UXS1: variants seen among roughly 807,000 people sequenced by gnomAD.
UXS1 encodes the protein UDP-glucuronate decarboxylase 1, also known as UDP-glucuronic acid decarboxylase 1.
UXS1 carries 33 observed loss-of-function variants against 62.6 expected under a neutral mutation model. The observed-to-expected ratio is 0.53, with a 90% CI of 0.40 to 0.70. The LOEUF (loss-of-function observed/expected upper bound fraction) is 0.70. UXS1 is among the 30% of genes least tolerant of loss of function. The probability of loss-of-function intolerance (pLI) is 0.00; values close to 1 mark genes in which losing one functional copy is unlikely to be tolerated. For missense variants in UXS1, 434 were observed against 556.3 expected, an observed-to-expected ratio of 0.78 and a Z score of 2.21; for synonymous variants, 213 against 206.8, an observed-to-expected ratio of 1.03 and a Z score of -0.26.
chr2:106,114,343 G>C (rs1184431279), intron 9 of UXS1, among the ~76,000 whole-genome samples: 2 of 152,162 alleles, frequency 1.3e-5, no homozygotes, highest in Non-Finnish European at 2.9e-5. Context: ...AAAGATATGA[G>C]CTAAGTCCAA....
intron 2 of UXS1, 77 bp from the exon 3 acceptor site, chr2:106,164,876 C>A (rs192712082): frequency 3.8e-6 from 4 of 1,052,926 alleles, no homozygotes; most frequent in Admixed American, 5.0e-5. Flanking sequence ...CATAACCCAA[C>A]GGATGCAGAC....
chr2:106,125,868 C>G (rs186724389), intron 7 of UXS1, among the ~76,000 whole-genome samples, 189 bp from the exon 8 acceptor site: 8 of 152,340 alleles, frequency 5.3e-5, no homozygotes, highest in Non-Finnish European at 5.9e-5. Flanking sequence ...TAAATGGATT[C>G]TCAGAAGGCC....
At chr2:106,146,005 G>A (rs905281965) in intron 5 of UXS1, among the ~76,000 whole-genome samples, 7 of 152,220 alleles carry the variant, frequency 4.6e-5, no homozygotes, top group Admixed American at 4.6e-4. Flanking sequence ...CACAGAGCAC[G>A]ATGAGGCAGC....
intron 9 of UXS1, among the ~76,000 whole-genome samples, chr2:106,115,803 T>C (rs1046913082): frequency 6.6e-5 from 10 of 152,208 alleles, no homozygotes; most frequent in Non-Finnish European, 1.5e-4. Context: ...CTGCCATCAT[T>C]ATTATCTACC....
intron 5 of UXS1, among the ~76,000 whole-genome samples, chr2:106,147,035 G>A (rs746420121): frequency 1.3e-4 from 20 of 151,970 alleles, no homozygotes; most frequent in Non-Finnish European, 2.5e-4. Flanking sequence ...CAGCTACTAT[G>A]GTGGCTGAAG....
intron 9 of UXS1, among the ~76,000 whole-genome samples, chr2:106,114,195 A>G (rs1678876685): frequency 6.6e-6 from 1 of 152,170 alleles, no homozygotes; most frequent in Admixed American, 6.5e-5. Flanking sequence ...CGGGTTTTTA[A>G]GTGTGCTGTG....
At chr2:106,118,269 G>A (rs1275600750) in intron 9 of UXS1, among the ~76,000 whole-genome samples, 4 of 150,672 alleles carry the variant, frequency 2.7e-5, no homozygotes, top group Admixed American at 2.6e-4. Flanking sequence ...TACCAACTCC[G>A]ACTTTTTCAA....
intron 5 of UXS1, among the ~76,000 whole-genome samples, chr2:106,148,943 T>C (rs1681801679): frequency 6.6e-6 from 1 of 152,224 alleles, no homozygotes; most frequent in African/African-American, 2.4e-5. Flanking sequence ...GCTTTCTTGC[T>C]CGCTCTTGTG....
intron 1 of UXS1, among the ~76,000 whole-genome samples, chr2:106,172,194 C>T (rs1292701794): frequency 1.3e-5 from 2 of 152,202 alleles, no homozygotes; most frequent in East Asian, 1.9e-4. Context: ...GAGAACCCTT[C>T]CCAAAGGCCT....
At chr2:106,108,155 AT>A (rs1281419000) in intron 10 of UXS1, among the ~76,000 whole-genome samples, 1 of 152,244 alleles carries the variant, frequency 6.6e-6, no homozygotes, top group Non-Finnish European at 1.5e-5. Flanking sequence ...TCTATAGCAT[AT>A]CACATCCATC....
intron 6 of UXS1, among the ~76,000 whole-genome samples, chr2:106,142,525 A>G (rs949489208): frequency 2.0e-5 from 3 of 152,190 alleles, no homozygotes; most frequent in Non-Finnish European, 4.4e-5. Flanking sequence ...CTGAGAGGAC[A>G]CTTTATAGCA....
intron 9 of UXS1, among the ~76,000 whole-genome samples, chr2:106,120,517 C>T (rs1679440050): frequency 6.6e-6 from 1 of 152,216 alleles, no homozygotes; most frequent in South Asian, 2.1e-4. Context: ...GGTGCCATTT[C>T]TCACCTGGGC....
chr2:106,108,256 CTG>C (rs1183090682), intron 10 of UXS1, among the ~76,000 whole-genome samples: 3 of 152,204 alleles, frequency 2.0e-5, no homozygotes, highest in East Asian at 1.9e-4. Flanking sequence ...GAAATATTCA[CTG>C]TGTGCGCTAA....
intron 1 of UXS1, among the ~76,000 whole-genome samples, chr2:106,193,345 T>C (rs916353803): frequency 1.8e-4 from 27 of 152,160 alleles, no homozygotes; most frequent in Non-Finnish European, 3.5e-4. Flanking sequence ...ATAGCATCAA[T>C]TAAAACATTC....
intron 7 of UXS1, among the ~76,000 whole-genome samples, chr2:106,127,104 C>A (rs577482986): frequency 1.8e-4 from 28 of 152,182 alleles, no homozygotes; most frequent in African/African-American, 6.5e-4. Flanking sequence ...TGTAGAATTC[C>A]CGGGGATATA....
intron 1 of UXS1, among the ~76,000 whole-genome samples, chr2:106,192,505 G>C (rs1008064330): frequency 1.3e-5 from 2 of 149,902 alleles, no homozygotes; most frequent in African/African-American, 4.9e-5. Flanking sequence ...AGTGAGCCGA[G>C]ATCGCGCCCC....
chr2:106,104,859 G>A, intron 10 of UXS1, 22 bp from the exon 11 acceptor site: 1 of 1,613,918 alleles, frequency 6.2e-7, no homozygotes, highest in African/African-American at 1.3e-5. Context: ...CCAACAGTTA[G>A]GCCTCCTGAT....
chr2:106,108,307 A>C (rs1573414043), intron 10 of UXS1, among the ~76,000 whole-genome samples: 1 of 152,222 alleles, frequency 6.6e-6, no homozygotes, highest in East Asian at 1.9e-4. Flanking sequence ...TGTGTGTGCA[A>C]GAGAGAAGAT....
At chr2:106,124,866 TA>T (rs918062527) in intron 8 of UXS1, among the ~76,000 whole-genome samples, 3 of 152,124 alleles carry the variant, frequency 2.0e-5, no homozygotes, top group African/African-American at 4.8e-5. Flanking sequence ...TTTCCTTAAT[TA>T]AAAAAAAGTC....
Sources: gnomAD v4.1 joint callset for allele counts (sites outside exome capture counted in the v4.1 genomes callset) on GRCh38, gnomAD v4.1.1 for gene constraint, MANE v1.5 for transcripts, NCBI Gene and HGNC (gene_info 2026-07-23, HGNC 2026-07-21) for gene names.